Variants in KANSL1 observed in about 807,000 individuals in gnomAD.
KANSL1 encodes MLL1/MLL complex subunit KANSL1.
In KANSL1, 22 loss-of-function variants were observed where a neutral mutation model predicts 103.6. That is an observed-to-expected ratio of 0.21 (90% CI 0.15 to 0.30). The LOEUF is 0.30. Among genes scored for constraint, KANSL1 ranks in the 10% least tolerant of loss-of-function variants. KANSL1 has a pLI of 1.00. For missense variants in KANSL1, 1,337 were observed against 1,399.8 expected (o/e 0.96, Z 0.72); for synonymous variants, 600 against 527.6 (o/e 1.14, Z -1.88).
intron 2 of KANSL1, among the ~76,000 whole-genome samples, chr17:46,154,192 T>G (rs546378461): frequency 7.9e-5 from 12 of 152,344 alleles, no homozygotes; most frequent in Admixed American, 1.3e-4. Context: ...CCACCCCAGT[T>G]AAGCTGTGGA....
chr17:46,140,312 A>G (rs1043264623), intron 2 of KANSL1, among the ~76,000 whole-genome samples: 1 of 152,232 alleles, frequency 6.6e-6, no homozygotes, highest in African/African-American at 2.4e-5. Flanking sequence ...AGGTCTTTAC[A>G]ATAAATATGG....
intron 1 of KANSL1, chr17:46,215,170 C>G (rs1452930093): frequency 2.6e-5 from 4 of 152,358 alleles, no homozygotes; most frequent in Admixed American, 2.6e-4. Flanking sequence ...CTTGGACCAG[C>G]CACTACTGTT....
rs776170736 is a variant in KANSL1 at position 46,171,450 on chromosome 17, A to G, written c.694T>C (p.Ser232Pro). ...GGCTGTTCCATGGAATTGACAGAGG[A>G]TTTGTTTGCAGTGCTATTATTGCTA... The part of the protein sequence containing the change: ...LYSNNSTANK[S>P]SVNSMEQPAL... Residue 232 changes from serine (S) to proline (P), a missense_variant, in exon 2 of 15, where the codon TCC becomes CCC. Physicochemically the swap from Ser to Pro is moderately conservative, Grantham distance 74. Coordinates refer to ENST00000432791, the MANE Select transcript of KANSL1 (RefSeq NM_015443.4). 9 of 1,613,854 alleles carry G rather than the reference A, an allele frequency of 5.6e-6. No individual in the cohort carries two copies. The highest frequency in any genetic ancestry group is 1.1e-5 in the South Asian group (1 of 91,084).
intron 1 of KANSL1, among the ~76,000 whole-genome samples, chr17:46,203,474 C>T (rs185699790): frequency 1.8e-4 from 28 of 152,322 alleles, no homozygotes; most frequent in African/African-American, 6.3e-4. Context: ...CATATTCATT[C>T]ATAAACATAC....
rs7208413 is a variant in KANSL1 at position 46,050,814 on chromosome 17, G to C, written c.1849-110C>G. On this transcript the variant is annotated intron_variant, in intron 6 of 14. Coordinates refer to ENST00000432791, the MANE Select transcript of KANSL1 (RefSeq NM_015443.4). ...AAGTTAGCTCCCCATTTGTTATTGCGAAGACCTTTCTAGATACTTGTGTGA... is the reference window on the plus strand; with the variant it reads ...AAGTTAGCTCCCCATTTGTTATTGCCAAGACCTTTCTAGATACTTGTGTGA... 6,446 of 870,176 alleles carry C rather than the reference G, an allele frequency of 7.4e-3. 300 individuals are homozygous for C. In the African/African-American group the frequency reaches 0.097, roughly 13 times the overall value. 53.9% of individuals were successfully genotyped at this position (870,176 alleles called of 1,614,324 possible). A position where few individuals can be genotyped will look rare whatever the true frequency, so the allele number is the denominator to read the frequency against.
intron 2 of KANSL1, among the ~76,000 whole-genome samples, chr17:46,163,058 T>C (rs546757349): frequency 9.8e-5 from 15 of 152,312 alleles, no homozygotes; most frequent in Non-Finnish European, 1.3e-4. Context: ...ATATATCCAA[T>C]ATGCACCCTC....
rs2076993621 is a variant in KANSL1, at chr17:46,031,063, C to T, written c.*413G>A. On this transcript the variant is annotated 3_prime_UTR_variant, in exon 15 of 15. Coordinates refer to ENST00000432791, the MANE Select transcript of KANSL1 (RefSeq NM_015443.4). The stretch of plus-strand genomic sequence containing the variant: ...AGATGGGAGGGGAGGGGGTAAGAGT[C>T]CAGAGCACCCTGCCCCATTCCACCC... The T allele has an allele frequency of 5.5e-6, 1 of 182,136 alleles. No homozygotes were observed. Among genetic ancestry groups the T allele is most frequent in the African/African-American group, 2.3e-5 (1 of 42,660 alleles). 11.3% of individuals were successfully genotyped at this position (182,136 alleles called of 1,614,324 possible).
intron 1 of KANSL1, among the ~76,000 whole-genome samples, chr17:46,209,278 GGGA>G (rs2048082422): frequency 1.3e-5 from 2 of 152,144 alleles, no homozygotes; most frequent in Non-Finnish European, 2.9e-5. Flanking sequence ...CTTGATAAGT[GGGA>G]TTGATAAAAA....
In KANSL1 at chr17:46,171,369, C is replaced by A. The variant is rs1407030629; in HGVS notation, c.775G>T (p.Gly259Trp). Residue 259 changes from glycine (G) to tryptophan (W), a missense_variant, in exon 2 of 15, where the codon GGG becomes TGG. By Grantham distance (184) the Gly-to-Trp change is radical. Coordinates refer to ENST00000432791, the MANE Select transcript of KANSL1 (RefSeq NM_015443.4). ...TTTTTACCCTCCAATTTGACACCCC[C>A]CAAGTTAGAGCTGGAGTCTGTACCA... ...SPGTDSSSNL[G>W]GVKLEGKKSP... 2 of 1,614,022 alleles carry A rather than the reference C, an allele frequency of 1.2e-6. No individual in the cohort carries two copies.
intron 2 of KANSL1, among the ~76,000 whole-genome samples, chr17:46,153,518 C>A (rs1189255464): frequency 1.3e-5 from 2 of 152,168 alleles, no homozygotes; most frequent in African/African-American, 4.8e-5. Flanking sequence ...GATACAAAAC[C>A]CCACTGGCTG....
At chr17:46,095,192 T>C (rs2042008955) in intron 2 of KANSL1, among the ~76,000 whole-genome samples, 1 of 152,074 alleles carries the variant, frequency 6.6e-6, no homozygotes, top group South Asian at 2.1e-4. Context: ...ACAGAGAAAA[T>C]AACGCCTGAA....
chr17:46,031,956 G>A (rs373179809), intron 14 of KANSL1, 91 bp downstream of exon 14: 5 of 1,568,738 alleles, frequency 3.2e-6, no homozygotes, highest in Admixed American at 3.4e-5. Context: ...AAAGGGGGAG[G>A]GGATGGCTAG....
At chr17:46,079,863 G>C (rs1183963414) in intron 4 of KANSL1, among the ~76,000 whole-genome samples, 1 of 152,100 alleles carries the variant, frequency 6.6e-6, no homozygotes, top group East Asian at 1.9e-4. Context: ...TGTAGTCCCA[G>C]CTACTTGGGA....
chr17:46,191,725 A>T (rs1423380277), intron 1 of KANSL1, among the ~76,000 whole-genome samples: 3 of 152,252 alleles, frequency 2.0e-5, no homozygotes, highest in Non-Finnish European at 4.4e-5. Flanking sequence ...TCTGAGCTGC[A>T]ATTTAAAAAT....
chr17:46,104,440 G>A (rs1194918719), intron 2 of KANSL1, among the ~76,000 whole-genome samples: 1 of 152,030 alleles, frequency 6.6e-6, no homozygotes, highest in Admixed American at 6.6e-5. Flanking sequence ...CTCTTATTTT[G>A]TTATTTGTAT....
chr17:46,083,607 C>T (rs1023847136), intron 3 of KANSL1, among the ~76,000 whole-genome samples: 2 of 152,182 alleles, frequency 1.3e-5, no homozygotes, highest in Admixed American at 6.5e-5. Context: ...ACTATGTTAC[C>T]GAGGCTGATC....
At chr17:46,060,251 C>T (rs1201365949) in intron 6 of KANSL1, among the ~76,000 whole-genome samples, 6 of 152,268 alleles carry the variant, frequency 3.9e-5, no homozygotes, top group African/African-American at 1.4e-4. Flanking sequence ...TTTGCTTTTG[C>T]TTTGCATTTG....
chr17:46,191,759 C>CA (rs1392882781), intron 1 of KANSL1, among the ~76,000 whole-genome samples: 2 of 152,102 alleles, frequency 1.3e-5, no homozygotes, highest in South Asian at 2.1e-4. Flanking sequence ...CCAAAACAAA[C>CA]AAAAAAACAC....
At chr17:46,150,027 T>A (rs2696579) in intron 2 of KANSL1, among the ~76,000 whole-genome samples, 21,670 of 65,476 alleles carry the variant, frequency 0.33, 2,147 homozygotes, top group Middle Eastern at 0.45. Context: ...ATCTCAAAAA[T>A]AAATAAATAA....
Sources: allele counts gnomAD v4.1 joint callset (sites outside exome capture counted in the v4.1 genomes callset), GRCh38; gene constraint gnomAD v4.1.1; transcripts MANE v1.5; gene names NCBI Gene and HGNC (gene_info 2026-07-23, HGNC 2026-07-21).